BCL11B: variants seen among roughly 807,000 people sequenced by gnomAD.
BCL11B encodes the protein B-cell lymphoma/leukemia 11B.
In BCL11B, 8 loss-of-function variants were observed where a neutral mutation model predicts 49.9. The observed-to-expected ratio is 0.16, with a 90% CI of 0.09 to 0.29. The LOEUF is 0.29. Ranked by LOEUF, BCL11B falls within the 10% of genes least tolerant of loss-of-function variation. The pLI is 1.00. For synonymous variants in BCL11B, 739 were observed against 637.4 expected, an observed-to-expected ratio of 1.16 and a Z score of -2.40; for missense variants, 1,006 against 1,351.0, an observed-to-expected ratio of 0.74 and a Z score of 4.00.
intron 3 of BCL11B, among the ~76,000 whole-genome samples, chr14:99,198,709 C>T (rs1281279507): frequency 1.3e-5 from 2 of 151,694 alleles, no homozygotes; most frequent in African/African-American, 4.9e-5. Context: ...CCTTCCGCAC[C>T]TTCCGAAATG....
intron 3 of BCL11B, among the ~76,000 whole-genome samples, chr14:99,204,156 C>A (rs1286375541): frequency 6.6e-6 from 1 of 152,144 alleles, no homozygotes; most frequent in East Asian, 1.9e-4. Flanking sequence ...TGGAGGTGGG[C>A]CCACAAAAGG....
chr14:99,268,941 G>A (rs1287993220), intron 1 of BCL11B, among the ~76,000 whole-genome samples: 3 of 152,148 alleles, frequency 2.0e-5, no homozygotes, highest in Non-Finnish European at 4.4e-5. Context: ...ATGAAGGATG[G>A]GAAAGTGCTG....
intron 2 of BCL11B, among the ~76,000 whole-genome samples, chr14:99,240,843 C>A (rs150232740): frequency 6.8e-4 from 103 of 152,336 alleles, no homozygotes; most frequent in African/African-American, 2.4e-3. Flanking sequence ...TTCATCTAGC[C>A]ACGCGCGAGA....
At chr14:99,270,307 C>CT (rs1285819306) in intron 1 of BCL11B, among the ~76,000 whole-genome samples, 8 of 151,384 alleles carry the variant, frequency 5.3e-5, no homozygotes, top group African/African-American at 1.2e-4. Flanking sequence ...TCCTTTTTTT[C>CT]TTTTTTTTCT....
At chr14:99,190,898 T>C (rs929426017) in intron 3 of BCL11B, among the ~76,000 whole-genome samples, 1 of 107,534 alleles carries the variant, frequency 9.3e-6, no homozygotes, top group Non-Finnish European at 2.0e-5. Flanking sequence ...ACCGCCCGCT[T>C]CGGCCACACG....
At position 99,192,519 on chromosome 14, in the gene BCL11B, G is replaced by A. The variant is rs370756553; in HGVS notation, c.641-16324C>T. ...ACCACAGCGCGCTACCTTTCACCTCGTCCTCGCCACACACACCCAGGCCCA... is the reference window on the plus strand; with the variant it reads ...ACCACAGCGCGCTACCTTTCACCTCATCCTCGCCACACACACCCAGGCCCA... On this transcript the variant is annotated intron_variant, in intron 3 of 3. Coordinates refer to ENST00000357195, the MANE Select transcript of BCL11B (RefSeq NM_138576.4). This position sits in a 1 kb window ranked among gnomAD's most constrained non-coding sequence, Gnocchi z 4.0. 6.6e-5 allele frequency among the ~76,000 whole-genome samples: 10 copies of A among 152,228 alleles called. No homozygotes were observed. The highest frequency in any genetic ancestry group is 1.9e-4 in the African/African-American group (8 of 41,538).
chr14:99,206,595 C>T (rs1460714142), intron 3 of BCL11B, among the ~76,000 whole-genome samples: 1 of 152,196 alleles, frequency 6.6e-6, no homozygotes, highest in East Asian at 1.9e-4. Context: ...GGCATCGGAG[C>T]AACTGTGGTA....
chr14:99,183,925 C>T (rs1051348192), intron 3 of BCL11B, among the ~76,000 whole-genome samples: 37 of 152,098 alleles, frequency 2.4e-4, no homozygotes, highest in African/African-American at 7.5e-4. Flanking sequence ...GCCCCCACCC[C>T]GAAGCCGGCT....
At chr14:99,209,803 T>C (rs1421887081) in intron 3 of BCL11B, among the ~76,000 whole-genome samples, 1 of 152,132 alleles carries the variant, frequency 6.6e-6, no homozygotes, top group Non-Finnish European at 1.5e-5. Flanking sequence ...TTGCCTTCTG[T>C]GCACCTTGAC....
At chr14:99,180,971 T>TA (rs1218658884) in intron 3 of BCL11B, among the ~76,000 whole-genome samples, 1 of 152,246 alleles carries the variant, frequency 6.6e-6, no homozygotes, top group Non-Finnish European at 1.5e-5. Flanking sequence ...TATGAGCATT[T>TA]AAATAATTGT....
rs1230033207 is a variant in BCL11B at position 99,271,381 on chromosome 14, CTT to C, written c.-165_-164del. The C allele has an allele frequency of 3.1e-6, 1 of 319,104 alleles. No individual in the cohort carries two copies. Among genetic ancestry groups the C allele is most frequent in the African/African-American group, 2.1e-5 (1 of 46,790 alleles). The allele number at this position is 319,104 out of a possible 1,614,324, so 19.8% of individuals were successfully genotyped here. A position where few individuals can be genotyped will look rare whatever the true frequency, so the allele number is the denominator to read the frequency against. ...GTTGGTGTTTTTTTTCCCTTCCTCTCTTTCCCTCTCTTCCTCCTCTTCTTCTT... is the reference window on the plus strand; with the variant it reads ...GTTGGTGTTTTTTTTCCCTTCCTCTCTCCCTCTCTTCCTCCTCTTCTTCTT... On this transcript the variant is annotated 5_prime_UTR_variant, in exon 1 of 4. Coordinates refer to ENST00000357195, the MANE Select transcript of BCL11B (RefSeq NM_138576.4).
At position 99,232,044 on chromosome 14, in the gene BCL11B, G is replaced by A. The variant is rs927223118; in HGVS notation, c.428-487C>T. On this transcript the variant is annotated intron_variant, in intron 2 of 3. Coordinates refer to ENST00000357195, the MANE Select transcript of BCL11B (RefSeq NM_138576.4). This position sits in a 1 kb window ranked among gnomAD's most constrained non-coding sequence, Gnocchi z 5.1. Reference sequence around the variant, plus strand: ...TACAGGCCCGGGACACCTTGGGTCCGCCTCCAGCCTTGGGTCCGCCTCCAG... The same window carrying A: ...TACAGGCCCGGGACACCTTGGGTCCACCTCCAGCCTTGGGTCCGCCTCCAG... 2.6e-5 allele frequency among the ~76,000 whole-genome samples: 4 copies of A among 152,074 alleles called. No homozygotes were observed. The highest frequency in any genetic ancestry group is 2.1e-4 in the South Asian group (1 of 4,826).
intron 3 of BCL11B, among the ~76,000 whole-genome samples, chr14:99,217,055 TAC>T (rs933396487): frequency 6.6e-6 from 1 of 152,108 alleles, no homozygotes; most frequent in South Asian, 2.1e-4. Flanking sequence ...TGCACATATA[TAC>T]ACTTAGTCAT....
intron 3 of BCL11B, among the ~76,000 whole-genome samples, chr14:99,204,955 C>T (rs1259746592): frequency 6.6e-6 from 1 of 152,204 alleles, no homozygotes; most frequent in Non-Finnish European, 1.5e-5. Context: ...ATTCAGCCCA[C>T]TTCATGTGAC....
chr14:99,220,013 T>G (rs1887962054), intron 3 of BCL11B, among the ~76,000 whole-genome samples: 1 of 152,110 alleles, frequency 6.6e-6, no homozygotes, highest in Admixed American at 6.5e-5. Context: ...CCACCTAACT[T>G]GGACCAGTTG....
rs528497056 is a variant in BCL11B, at chr14:99,184,564, A to G, written c.641-8369T>C. Among the ~76,000 whole-genome samples the G allele has an allele frequency of 9.9e-5, 15 of 152,196 alleles. No individual in the cohort carries two copies. Among genetic ancestry groups the G allele is most frequent in the African/African-American group, 3.4e-4 (14 of 41,470 alleles). On this transcript the variant is annotated intron_variant, in intron 3 of 3. Coordinates refer to ENST00000357195, the MANE Select transcript of BCL11B (RefSeq NM_138576.4). The surrounding 1 kb of genome is among the most constrained non-coding windows in gnomAD (Gnocchi z 6.1). Reference sequence around the variant, plus strand: ...ACAGGGCTGGTAAGTGGCAGAGTCAAGATGCACACCCGGGTCCGTCTGACC... The same window carrying G: ...ACAGGGCTGGTAAGTGGCAGAGTCAGGATGCACACCCGGGTCCGTCTGACC...
At chr14:99,243,059 G>A (rs1014262610) in intron 2 of BCL11B, among the ~76,000 whole-genome samples, 6 of 152,164 alleles carry the variant, frequency 3.9e-5, no homozygotes, top group African/African-American at 1.2e-4. Flanking sequence ...CATGTCCCCT[G>A]TCCAGCTCCT....
At position 99,265,330 on chromosome 14, in the gene BCL11B, C is replaced by A. The variant is rs73342801; in HGVS notation, c.58+5831G>T. Among the ~76,000 whole-genome samples, 1,502 of 152,250 alleles carry A rather than the reference C, an allele frequency of 9.9e-3. 20 individuals carry two copies. The highest frequency in any genetic ancestry group is 0.034 in the African/African-American group (1,429 of 41,538). ...CTCCTTGTCCTCCCCAGATGTGAAGCCAACATTAACCTCGAGGCCAAAGTC... is the reference window on the plus strand; with the variant it reads ...CTCCTTGTCCTCCCCAGATGTGAAGACAACATTAACCTCGAGGCCAAAGTC... On this transcript the variant is annotated intron_variant, in intron 1 of 3. Transcript: ENST00000357195.
At position 99,232,187 on chromosome 14, in the gene BCL11B, C is replaced by T. The variant is rs1268933444; in HGVS notation, c.428-630G>A. On this transcript the variant is annotated intron_variant, in intron 2 of 3. Transcript: ENST00000357195. The surrounding 1 kb of genome is among the most constrained non-coding windows in gnomAD (Gnocchi z 5.1). ...ATGCCCTTCAGAAGGCTTTCACACC[C>T]CCCTACCACACCCCAAGAAAACCCT... is the stretch of plus-strand genomic sequence containing the variant. Among the ~76,000 whole-genome samples the T allele has an allele frequency of 6.6e-6, 1 of 152,102 alleles. No homozygotes were observed. Among genetic ancestry groups the T allele is most frequent in the Non-Finnish European group, 1.5e-5 (1 of 67,996 alleles).
Sources: gnomAD v4.1 joint callset for allele counts (sites outside exome capture counted in the v4.1 genomes callset) on GRCh38, gnomAD v4.1.1 for gene constraint, Gnocchi (gnomAD v3.1) non-coding constraint, MANE v1.5 for transcripts, NCBI Gene and HGNC (gene_info 2026-07-23, HGNC 2026-07-21) for gene names.